Variants in PHACTR2 observed in about 807,000 individuals in gnomAD.
PHACTR2 encodes the protein chromosome 6 open reading frame 56.
Under a neutral mutation model 76.0 loss-of-function variants are expected in PHACTR2, and 30 were observed. That is an observed-to-expected ratio of 0.39 (90% CI 0.30 to 0.54). PHACTR2 has a LOEUF of 0.54. Among genes scored for constraint, PHACTR2 ranks in the 20% least tolerant of loss-of-function variants. The probability of loss-of-function intolerance (pLI) is 0.61; values close to 1 mark genes in which losing one functional copy is unlikely to be tolerated. For missense variants in PHACTR2, 696 were observed against 781.1 expected (o/e 0.89, Z 1.30); for synonymous variants, 292 against 292.5 (o/e 1.00, Z 0.02).
Position 143,576,875 on chromosome 6 carries a change from CAAAAAAAAAAAAAA to C in PHACTR2, c.217+39688_217+39701del, listed in dbSNP as rs35937662. On this transcript the variant is annotated intron_variant, in intron 1 of 11. Coordinates refer to the PHACTR2 transcript ENST00000367584. ...TGGGTGACAGAGTGAGACTCTGTCT[CAAAAAAAAAAAAAA>C]AAAAAAAAAAAAAAAAAAATTATTT... 1.9e-3 allele frequency among the ~76,000 whole-genome samples: 196 copies of C among 102,496 alleles called. 1 individual carries two copies. Among genetic ancestry groups the C allele is most frequent in the Middle Eastern group, 0.016 (3 of 182 alleles). The allele number at this position is 102,496 out of a possible 152,430, so 67.2% of individuals were successfully genotyped here.
chr6:143,772,210 G>C lies in PHACTR2; in HGVS notation c.1233-48G>C. 2.2e-6 allele frequency: 3 copies of C among 1,371,102 alleles called. No individual in the cohort carries two copies. Among genetic ancestry groups the C allele is most frequent in the Non-Finnish European group, 3.1e-6 (3 of 959,368 alleles). The allele number at this position is 1,371,102 out of a possible 1,614,324, so 84.9% of individuals were successfully genotyped here. A position where few individuals can be genotyped will look rare whatever the true frequency, so the allele number is the denominator to read the frequency against. On this transcript the variant is annotated intron_variant, in intron 6 of 12. Transcript: ENST00000440869. The surrounding 1 kb of genome is among the most constrained non-coding windows in gnomAD (Gnocchi z 5.4). ...TTTTCTTAGTGTCAGTGCCGCCAAG[G>C]GTTGCTCTGAGCTTCACATCACTCC... is the stretch of plus-strand genomic sequence containing the variant.
chr6:143,677,643 A>T (rs1777274959), upstream of PHACTR2, among the ~76,000 whole-genome samples: 1 of 152,270 alleles, frequency 6.6e-6, no homozygotes, highest in Non-Finnish European at 1.5e-5. Flanking sequence ...TACTGCAAAT[A>T]GAATGTAAGG....
At position 143,585,046 on chromosome 6, in the gene PHACTR2, C is replaced by T. The variant is rs6924940; in HGVS notation, c.217+47839C>T. Among the ~76,000 whole-genome samples, 87,687 of 150,032 alleles carry T rather than the reference C, an allele frequency of 0.58. 26,044 individuals are homozygous for T. The highest frequency in any genetic ancestry group is 0.74 in the Middle Eastern group (217 of 292). ...TTCTATAGGCTTGGCTGTCATAACT[C>T]AAGTTGTTGGGGGACACATGACTAT... On this transcript the variant is annotated intron_variant, in intron 1 of 11. Transcript: ENST00000367584. The surrounding 1 kb of genome is among the most constrained non-coding windows in gnomAD (Gnocchi z 5.2).
At position 143,656,243 on chromosome 6, in the gene PHACTR2, G is replaced by T. The variant is rs902940983; in HGVS notation, c.13+47921G>T. Among the ~76,000 whole-genome samples the T allele has an allele frequency of 2.0e-5, 3 of 152,130 alleles. No individual in the cohort carries two copies. Among genetic ancestry groups the T allele is most frequent in the Admixed American group, 6.6e-5 (1 of 15,262 alleles). ...CAGACCAGGGACTTCCTCTGACCTT[G>T]GCAACTCAGTTACCTCCTGTGAGCC... On this transcript the variant is annotated intron_variant, in intron 1 of 11. Coordinates refer to the PHACTR2 transcript ENST00000305766. The surrounding 1 kb of genome is among the most constrained non-coding windows in gnomAD (Gnocchi z 5.3).
At chr6:143,677,801 A>G (rs951224835), upstream of PHACTR2, among the ~76,000 whole-genome samples, 5 of 152,042 alleles carry the variant, frequency 3.3e-5, no homozygotes, top group Non-Finnish European at 7.4e-5. Context: ...ACTCCCTACC[A>G]CCCTGAGGGG....
chr6:143,655,334 G>T (rs1282632161), intron 1 of PHACTR2, among the ~76,000 whole-genome samples: 2 of 152,120 alleles, frequency 1.3e-5, no homozygotes, highest in Non-Finnish European at 2.9e-5. Context: ...AACAGGAAGT[G>T]ATGCTAATGG....
rs148990078 is a variant in PHACTR2, at chr6:143,546,074, G to A, written c.217+8867G>A. Among the ~76,000 whole-genome samples, 2 of 151,920 alleles carry A rather than the reference G, an allele frequency of 1.3e-5. No individual in the cohort carries two copies. The highest frequency in any genetic ancestry group is 2.4e-5 in the African/African-American group (1 of 41,310). On this transcript the variant is annotated intron_variant, in intron 1 of 11. Transcript: ENST00000367584. The surrounding 1 kb of genome is among the most constrained non-coding windows in gnomAD (Gnocchi z 4.9). The stretch of plus-strand genomic sequence containing the variant: ...TGTCTCAAGGTACAAGTGTAGTTTC[G>A]GTTACAGTGAAACTCAGGAAAAAAC...
At chr6:143,573,697 CTTAG>C (rs537774231) in intron 1 of PHACTR2, among the ~76,000 whole-genome samples, 456 of 151,870 alleles carry the variant, frequency 3.0e-3, no homozygotes, top group Non-Finnish European at 3.9e-3. Context: ...TGGCACTTAT[CTTAG>C]TTAATTATGT....
At position 143,764,356 on chromosome 6, in the gene PHACTR2, C is replaced by T. The variant is rs966631710; in HGVS notation, c.695-905C>T. Among the ~76,000 whole-genome samples the T allele has an allele frequency of 1.3e-5, 2 of 151,876 alleles. No individual in the cohort carries two copies. The highest frequency in any genetic ancestry group is 2.9e-5 in the Non-Finnish European group (2 of 67,968). ...GCAACATGACAAAACCCTGTCTCAA[C>T]AAAAATACATTAAAGTTAGCCAGGC... On this transcript the variant is annotated intron_variant, in intron 5 of 12. Transcript: ENST00000440869. The surrounding 1 kb of genome is among the most constrained non-coding windows in gnomAD (Gnocchi z 4.7).
Position 143,656,617 on chromosome 6 carries a change from G to A in PHACTR2, c.13+48295G>A, listed in dbSNP as rs1776853306. Reference sequence around the variant, plus strand: ...ATGCTAGATGAGGATACAGGTAGATGAATGAATATTGTAGTTGAGTAAATA... The same window carrying A: ...ATGCTAGATGAGGATACAGGTAGATAAATGAATATTGTAGTTGAGTAAATA... On this transcript the variant is annotated intron_variant, in intron 1 of 11. Transcript: ENST00000305766. The surrounding 1 kb of genome is among the most constrained non-coding windows in gnomAD (Gnocchi z 5.3). 6.6e-6 allele frequency among the ~76,000 whole-genome samples: 1 copy of A among 152,094 alleles called. No individual in the cohort carries two copies. The highest frequency in any genetic ancestry group is 1.5e-5 in the Non-Finnish European group (1 of 68,012).
intron 1 of PHACTR2, among the ~76,000 whole-genome samples, chr6:143,564,196 C>A: frequency 2.5e-5 from 1 of 40,298 alleles, no homozygotes; most frequent in Non-Finnish European, 4.9e-5. Context: ...TGTGTGTGTG[C>A]ATATATATAT....
At position 143,616,880 on chromosome 6, in the gene PHACTR2, C is replaced by G. The variant is rs1776066539; in HGVS notation, c.13+8558C>G. Among the ~76,000 whole-genome samples, 1 of 152,054 alleles carries G rather than the reference C, an allele frequency of 6.6e-6. No individual in the cohort carries two copies. The highest frequency in any genetic ancestry group is 2.4e-5 in the African/African-American group (1 of 41,398). ...AGAGCCAGGGTAAAAATGTGTCAAG[C>G]TGAGTGGCCGGCAAACACACACGCC... On this transcript the variant is annotated intron_variant, in intron 1 of 11. Coordinates refer to the PHACTR2 transcript ENST00000305766. The surrounding 1 kb of genome is among the most constrained non-coding windows in gnomAD (Gnocchi z 4.9).
intron 2 of PHACTR2, among the ~76,000 whole-genome samples, chr6:143,717,685 A>T (rs1408099274): frequency 6.6e-6 from 1 of 151,544 alleles, no homozygotes; most frequent in Non-Finnish European, 1.5e-5. Context: ...TGATCCTCCC[A>T]CCTGAGCCTC....
At chr6:143,587,092 G>A (rs985134340) in intron 1 of PHACTR2, among the ~76,000 whole-genome samples, 1 of 152,292 alleles carries the variant, frequency 6.6e-6, no homozygotes, top group Non-Finnish European at 1.5e-5. Flanking sequence ...CACTACCAGT[G>A]TTCATTTAAT....
chr6:143,612,325 T>G (rs1312044616), intron 1 of PHACTR2, among the ~76,000 whole-genome samples: 1 of 152,200 alleles, frequency 6.6e-6, no homozygotes, highest in East Asian at 1.9e-4. Flanking sequence ...ACATTTCATT[T>G]CAAGCTGGTT....
chr6:143,736,445 T>C (rs1174381134), intron 2 of PHACTR2, among the ~76,000 whole-genome samples: 2 of 151,850 alleles, frequency 1.3e-5, no homozygotes, highest in African/African-American at 2.4e-5. Flanking sequence ...AATGAAAATA[T>C]TGGTGGATTA....
chr6:143,756,975 A>C (rs564648291), intron 4 of PHACTR2, among the ~76,000 whole-genome samples: 1 of 151,840 alleles, frequency 6.6e-6, no homozygotes, highest in South Asian at 2.1e-4. Context: ...TGAACCTGGG[A>C]GGTGGAGGTT....
intron 12 of PHACTR2, among the ~76,000 whole-genome samples, chr6:143,812,654 C>G (rs1776203937): frequency 6.6e-6 from 1 of 152,220 alleles, no homozygotes; most frequent in African/African-American, 2.4e-5. Flanking sequence ...CACAAGAAGT[C>G]ATCCCGTGGC....
intron 12 of PHACTR2, among the ~76,000 whole-genome samples, chr6:143,813,405 G>T (rs1776222651): frequency 6.6e-6 from 1 of 152,012 alleles, no homozygotes; most frequent in South Asian, 2.1e-4. Context: ...GGATCACGAG[G>T]TCAGGAGATT....
Sources: allele counts gnomAD v4.1 joint callset (sites outside exome capture counted in the v4.1 genomes callset), GRCh38; gene constraint gnomAD v4.1.1; non-coding constraint Gnocchi (gnomAD v3.1); transcripts MANE v1.5; gene names NCBI Gene and HGNC (gene_info 2026-07-23, HGNC 2026-07-21).